TMEM132E: variants seen among roughly 807,000 people sequenced by gnomAD.
TMEM132E encodes the protein transmembrane protein 132E.
Under a neutral mutation model 78.5 loss-of-function variants are expected in TMEM132E, and 49 were observed. That is an observed-to-expected ratio of 0.62 (90% CI 0.50 to 0.79). TMEM132E has a LOEUF of 0.79. Ranked by LOEUF, TMEM132E falls within the 30% of genes least tolerant of loss-of-function variation. The pLI is 0.00. For missense variants in TMEM132E, 1,403 were observed against 1,470.9 expected, an observed-to-expected ratio of 0.95 and a Z score of 0.75; for synonymous variants, 715 against 670.6, an observed-to-expected ratio of 1.07 and a Z score of -1.02.
At chr17:34,586,542 G>T (rs967899157) in intron 1 of TMEM132E, among the ~76,000 whole-genome samples, 4 of 151,790 alleles carry the variant, frequency 2.6e-5, no homozygotes, top group Non-Finnish European at 4.4e-5. Context: ...GCAACAAGTG[G>T]GGGGGGACAA....
At chr17:34,623,961 T>C (rs1332053177) in intron 1 of TMEM132E, among the ~76,000 whole-genome samples, 1 of 152,130 alleles carries the variant, frequency 6.6e-6, no homozygotes, top group African/African-American at 2.4e-5. Flanking sequence ...CACCATCAGC[T>C]CCCAGCATTT....
At chr17:34,598,423 TG>T (rs1279813469) in intron 1 of TMEM132E, among the ~76,000 whole-genome samples, 2 of 152,072 alleles carry the variant, frequency 1.3e-5, no homozygotes, top group Non-Finnish European at 2.9e-5. Flanking sequence ...TGCTTTCTGG[TG>T]GGGGTGAAGC....
Position 34,628,675 on chromosome 17 carries a change from G to A in TMEM132E, c.1111G>A (p.Val371Met), listed in dbSNP as rs1296370242. 6.2e-7 allele frequency: 1 copy of A among 1,612,412 alleles called. No homozygotes were observed. ...AAAGCACTCAACAGCCACCGTGGAT[G>A]TGGCCTGGGCTCAGAGCACACCCCT... Reference protein sequence around the residue: ...GAKHSTATVDVAWAQSTPLPP... With the variant: ...GAKHSTATVDMAWAQSTPLPP... Residue 371 changes from valine to methionine, a missense_variant, in exon 3 of 9, where the codon GTG (valine) becomes ATG (methionine). By Grantham distance (21) the Val-to-Met change is conservative (BLOSUM62 1). Around this residue, in one of 3 missense-constraint regions of TMEM132E, gnomAD observed 888 missense variants for 952.8 expected, o/e 0.93. Transcript: ENST00000631683.
In TMEM132E at chr17:34,626,834, C is replaced by T. The variant is rs2142079879; in HGVS notation, c.775C>T (p.Arg259Ter). 2 of 1,566,616 alleles carry T rather than the reference C, an allele frequency of 1.3e-6. No individual in the cohort carries two copies. The highest frequency in any genetic ancestry group is 1.4e-5 in the African/African-American group (1 of 73,796). The change falls in exon 2 of 9, where the codon CGA becomes TGA. Residue 259 changes from arginine to a stop codon, truncating the protein, a stop_gained. Coordinates refer to ENST00000631683, the MANE Select transcript of TMEM132E (RefSeq NM_001304438.2). LOFTEE classifies it high-confidence loss of function. ...GGGGGCCGGGCCCGGGGTGGGGGCC[C>T]GAGCGGAAAGCCCTACCCAGCACCC... ...RRGAGPGVGA[R>*]AESPTQHPLL...
intron 4 of TMEM132E, among the ~76,000 whole-genome samples, 176 bp downstream of exon 4, chr17:34,629,380 T>C (rs1342579366): frequency 6.6e-6 from 1 of 152,124 alleles, no homozygotes; most frequent in Non-Finnish European, 1.5e-5. Context: ...TGTTTTATAT[T>C]TGTCGGGCCA....
In TMEM132E at chr17:34,637,436, G is replaced by A. The variant is rs374583943; in HGVS notation, c.2429G>A (p.Arg810Gln). The part of the protein sequence containing the change: ...SVLATTPVGL[R>Q]VHFGRDEEDP... Reference sequence around the variant, plus strand: ...CTCGCCACGACCCCTGTGGGCCTGCGGGTGCACTTTGGGAGGGACGAGGAG... The same window carrying A: ...CTCGCCACGACCCCTGTGGGCCTGCAGGTGCACTTTGGGAGGGACGAGGAG... Residue 810 changes from arginine (R) to glutamine (Q), a missense_variant, in exon 9 of 9, where the codon CGG (arginine) becomes CAG (glutamine). This residue lies in a region of TMEM132E where 888 missense variants were observed against 952.8 expected (regional missense o/e 0.93). Coordinates refer to ENST00000631683, the MANE Select transcript of TMEM132E (RefSeq NM_001304438.2). The A allele has an allele frequency of 1.9e-6, 3 of 1,613,564 alleles. No individual in the cohort carries two copies. Among genetic ancestry groups the A allele is most frequent in the African/African-American group, 2.7e-5 (2 of 74,950 alleles).
In TMEM132E at chr17:34,627,076, G is replaced by A. The variant is rs1450699478; in HGVS notation, c.998+19G>A. 6.2e-6 allele frequency: 10 copies of A among 1,610,174 alleles called. No homozygotes were observed. The highest frequency in any genetic ancestry group is 1.7e-5 in the Admixed American group (1 of 59,900). On this transcript the variant is annotated intron_variant, in intron 2 of 8. Transcript: ENST00000631683. ...CACTCAGGTAGTAGGGAAGATGGGT[G>A]GGGATCTGGTTTCCCTTCCAAGATC...
At chr17:34,627,467 CGTGT>C (rs145658598) in intron 2 of TMEM132E, among the ~76,000 whole-genome samples, 8,764 of 126,464 alleles carry the variant, frequency 0.069, 330 homozygotes, top group South Asian at 0.088. Flanking sequence ...CCAAAAGAAT[CGTGT>C]GTGTGTGTGT....
chr17:34,608,789 G>T (rs1906497595), intron 1 of TMEM132E, among the ~76,000 whole-genome samples: 1 of 152,116 alleles, frequency 6.6e-6, no homozygotes, highest in Non-Finnish European at 1.5e-5. Context: ...CATTGAAGAA[G>T]ATATCAATAT....
intron 6 of TMEM132E, 137 bp from the exon 7 acceptor site, chr17:34,634,662 A>G: frequency 9.7e-7 from 1 of 1,034,148 alleles, no homozygotes; most frequent in East Asian, 2.7e-5. Flanking sequence ...GATGGAAGGC[A>G]TGAGCCATAG....
At chr17:34,629,280 A>T in intron 4 of TMEM132E, 76 bp downstream of exon 4, 1 of 1,477,486 alleles carries the variant, frequency 6.8e-7, no homozygotes, top group Non-Finnish European at 9.2e-7. Flanking sequence ...AAGAATGTGA[A>T]CCACTGAGTA....
At chr17:34,621,212 C>G (rs1906950261) in intron 1 of TMEM132E, among the ~76,000 whole-genome samples, 1 of 152,164 alleles carries the variant, frequency 6.6e-6, no homozygotes, top group Non-Finnish European at 1.5e-5. Context: ...GTTCCACAGG[C>G]TGGGTGGCTT....
rs1408426858 is a variant in TMEM132E, at chr17:34,632,925, C to T, written c.1688+16C>T. 1.9e-6 allele frequency: 3 copies of T among 1,613,680 alleles called. No homozygotes were observed. The highest frequency in any genetic ancestry group is 2.5e-6 in the Non-Finnish European group (3 of 1,179,888). On this transcript the variant is annotated intron_variant, in intron 6 of 8. Coordinates refer to ENST00000631683, the MANE Select transcript of TMEM132E (RefSeq NM_001304438.2). ...CCGACCGGAGGTACAGCCCCTCTCCCATGGCGGATACTTGGGAAACTCATG... is the reference window on the plus strand; with the variant it reads ...CCGACCGGAGGTACAGCCCCTCTCCTATGGCGGATACTTGGGAAACTCATG...
chr17:34,616,095 C>T (rs1228532941), intron 1 of TMEM132E, among the ~76,000 whole-genome samples: 1 of 152,004 alleles, frequency 6.6e-6, no homozygotes, highest in Non-Finnish European at 1.5e-5. Flanking sequence ...CCTTTTTTCT[C>T]ATCTGTAAGG....
At chr17:34,583,310 A>T (rs749288942) in intron 1 of TMEM132E, among the ~76,000 whole-genome samples, 3 of 151,918 alleles carry the variant, frequency 2.0e-5, no homozygotes, top group African/African-American at 7.3e-5. Context: ...TTCCTTTCCA[A>T]CCTCCTTCCC....
chr17:34,583,744 T>C (rs4795941), intron 1 of TMEM132E, among the ~76,000 whole-genome samples: 13,580 of 152,294 alleles, frequency 0.089, 695 homozygotes, highest in South Asian at 0.2. Flanking sequence ...GACCTTGGGC[T>C]GCCTCCCTCA....
chr17:34,624,439 C>T (rs1357928511), intron 1 of TMEM132E, among the ~76,000 whole-genome samples: 1 of 152,116 alleles, frequency 6.6e-6, no homozygotes, highest in African/African-American at 2.4e-5. Flanking sequence ...GATGGGAGGT[C>T]CCTTCAGAGA....
chr17:34,603,672 G>T (rs1184559188), intron 1 of TMEM132E, among the ~76,000 whole-genome samples: 1 of 152,106 alleles, frequency 6.6e-6, no homozygotes, highest in African/African-American at 2.4e-5. Context: ...TCCTCCTCTG[G>T]CCAGCTCTTC....
At chr17:34,605,022 T>C (rs1906366776) in intron 1 of TMEM132E, among the ~76,000 whole-genome samples, 1 of 152,162 alleles carries the variant, frequency 6.6e-6, no homozygotes, top group South Asian at 2.1e-4. Flanking sequence ...ACCTCTACTT[T>C]CTGTAACCCA....
Sources: allele counts gnomAD v4.1 joint callset (sites outside exome capture counted in the v4.1 genomes callset), GRCh38; gene constraint gnomAD v4.1.1; regional missense constraint gnomAD v4.1.1; transcripts MANE v1.5; gene names NCBI Gene and HGNC (gene_info 2026-07-23, HGNC 2026-07-21).